The following PTPRD variants were observed in gnomAD, a reference collection of about 807,000 sequenced individuals.
PTPRD encodes protein tyrosine phosphatase receptor type D.
Under a neutral mutation model 214.5 loss-of-function variants are expected in PTPRD, and 34 were observed. The ratio of observed to expected loss-of-function variants is 0.16; its 90% confidence interval spans 0.12 to 0.21. The LOEUF is 0.21. PTPRD is among the 10% of genes least tolerant of loss of function. The probability of loss-of-function intolerance (pLI) is 1.00; values close to 1 mark genes in which losing one functional copy is unlikely to be tolerated. For synonymous variants in PTPRD, 1,128 were observed against 845.7 expected (o/e 1.33, Z -5.79); for missense variants, 2,545 against 2,398.7 (o/e 1.06, Z -1.27).
chr9:9,250,572 T>C (rs1175348859), intron 9 of PTPRD, among the ~76,000 whole-genome samples: 1 of 152,058 alleles, frequency 6.6e-6, no homozygotes, highest in Non-Finnish European at 1.5e-5. Flanking sequence ...GTAAAGGTGA[T>C]TTTCATGTTT....
intron 14 of PTPRD, among the ~76,000 whole-genome samples, chr9:8,625,209 A>G (rs1214341241): frequency 6.6e-6 from 1 of 151,886 alleles, no homozygotes; most frequent in Non-Finnish European, 1.5e-5. Flanking sequence ...ATATATATAT[A>G]TACTACATGT....
chr9:9,701,675 T>C (rs1197642981), intron 7 of PTPRD, among the ~76,000 whole-genome samples: 1 of 152,180 alleles, frequency 6.6e-6, no homozygotes. Context: ...ATTCATTAGA[T>C]GTGAAATAGA....
Position 8,521,295 on chromosome 9 carries a change from C to T in PTPRD, c.943G>A (p.Ala315Thr), listed in dbSNP as rs2097886841. Residue 315 changes from alanine (A) to threonine (T), a missense_variant, in exon 20 of 46, where the codon GCA (alanine) becomes ACA (threonine). Ala to Thr is a moderately conservative substitution (Grantham distance 58, BLOSUM62 0). Transcript: ENST00000381196. ...MSTLGVIEAI[A>T]QITVKALPKP... ...AGCATACCTTTGACAGTGATCTGTG[C>T]TATTGCTTCAATGACACCCAGTGTT... 4 of 1,613,258 alleles carry T rather than the reference C, an allele frequency of 2.5e-6. No individual in the cohort carries two copies. Among genetic ancestry groups the T allele is most frequent in the Admixed American group, 1.7e-5 (1 of 59,966 alleles).
Position 10,380,098 on chromosome 9 carries a change from T to C in PTPRD, c.-599-39081A>G, listed in dbSNP as rs117221158. On this transcript the variant is annotated intron_variant, in intron 2 of 45. Transcript: ENST00000381196. ...CCTCAGTCATCAGAGTGGCTGAGAA[T>C]ACAGGCAGGAGCCACTCAACAATTT... Among the ~76,000 whole-genome samples the C allele has an allele frequency of 7.8e-3, 1,183 of 152,206 alleles. 13 individuals are homozygous for C. The highest frequency in any genetic ancestry group is 0.012 in the Non-Finnish European group (821 of 67,980).
At position 8,416,550 on chromosome 9, in the gene PTPRD, G is replaced by A. The variant is rs546397866; in HGVS notation, c.4087-11890C>T. ...CAGAGGCAGAAGGAGCAGACTGTAGGACTCAACACTCTGGAGGGGATTTTG... is the reference window on the plus strand; with the variant it reads ...CAGAGGCAGAAGGAGCAGACTGTAGAACTCAACACTCTGGAGGGGATTTTG... On this transcript the variant is annotated intron_variant, in intron 35 of 45. Transcript: ENST00000381196. 7.2e-5 allele frequency among the ~76,000 whole-genome samples: 11 copies of A among 152,246 alleles called. No homozygotes were observed. In the South Asian group the frequency reaches 2.3e-3, roughly 32 times the overall value.
chr9:9,719,649 C>A (rs1455809163), intron 7 of PTPRD, among the ~76,000 whole-genome samples: 1 of 152,206 alleles, frequency 6.6e-6, no homozygotes, highest in Non-Finnish European at 1.5e-5. Context: ...CAACATCCCC[C>A]TCACAGCTCG....
intron 3 of PTPRD, among the ~76,000 whole-genome samples, chr9:10,203,200 G>C (rs2099440367): frequency 6.9e-6 from 1 of 144,944 alleles, no homozygotes; most frequent in Non-Finnish European, 1.5e-5. Flanking sequence ...TGTGAATTGT[G>C]AGTTTCTGGA....
At chr9:9,295,836 A>T (rs1952814097) in intron 9 of PTPRD, among the ~76,000 whole-genome samples, 1 of 151,838 alleles carries the variant, frequency 6.6e-6, no homozygotes, top group Non-Finnish European at 1.5e-5. Flanking sequence ...TCGAAGCATA[A>T]TTCAGAGGCA....
At chr9:9,951,279 G>A (rs1025842507) in intron 4 of PTPRD, among the ~76,000 whole-genome samples, 2 of 152,130 alleles carry the variant, frequency 1.3e-5, no homozygotes, top group African/African-American at 4.8e-5. Flanking sequence ...AAAAGCCTAA[G>A]GGCCTCAATG....
intron 11 of PTPRD, among the ~76,000 whole-genome samples, chr9:8,765,881 C>T (rs1003654409): frequency 6.6e-6 from 1 of 152,154 alleles, no homozygotes; most frequent in African/African-American, 2.4e-5. Flanking sequence ...TCCACAGCTT[C>T]TGGGCCTCAT....
chr9:9,605,278 C>T (rs2094075419), intron 7 of PTPRD, among the ~76,000 whole-genome samples: 2 of 151,994 alleles, frequency 1.3e-5, no homozygotes, highest in African/African-American at 4.8e-5. Context: ...AAGCACTCTG[C>T]TATGATTGAA....
chr9:10,182,936 C>T (rs902571286), intron 3 of PTPRD, among the ~76,000 whole-genome samples: 3 of 152,110 alleles, frequency 2.0e-5, no homozygotes, highest in East Asian at 1.9e-4. Context: ...GGCTCTCAAC[C>T]AAATTACTTG....
intron 44 of PTPRD, among the ~76,000 whole-genome samples, chr9:8,330,428 G>C (rs909604147): frequency 2.0e-5 from 3 of 152,144 alleles, no homozygotes; most frequent in African/African-American, 7.2e-5. Flanking sequence ...AAACCAAAAA[G>C]TATGTGTGAC....
intron 7 of PTPRD, among the ~76,000 whole-genome samples, chr9:9,654,209 C>T (rs1035932503): frequency 6.6e-6 from 1 of 151,976 alleles, no homozygotes; most frequent in South Asian, 2.1e-4. Context: ...TTTTTAATAA[C>T]CTTATTGTCT....
At chr9:9,577,556 T>G (rs1449719265) in intron 7 of PTPRD, among the ~76,000 whole-genome samples, 1 of 151,864 alleles carries the variant, frequency 6.6e-6, no homozygotes, top group Non-Finnish European at 1.5e-5. Context: ...AAGTAAGACC[T>G]TGTCTCAAAA....
Position 9,873,467 on chromosome 9 carries a change from CT to C in PTPRD, c.-368+65039del, listed in dbSNP as rs953050032. On this transcript the variant is annotated intron_variant, in intron 5 of 45. Transcript: ENST00000381196. ...CTAACTAAAACCTGGATCTTACTTACTTTTTTTTTTCTATAAGGGCAGTTAA... is the reference window on the plus strand; with the variant it reads ...CTAACTAAAACCTGGATCTTACTTACTTTTTTTTTCTATAAGGGCAGTTAA... Among the ~76,000 whole-genome samples the C allele has an allele frequency of 8.0e-4, 120 of 149,526 alleles. 2 individuals are homozygous for C. Among genetic ancestry groups the C allele is most frequent in the Admixed American group, 5.2e-3 (78 of 14,958 alleles).
intron 11 of PTPRD, among the ~76,000 whole-genome samples, chr9:8,759,938 T>C (rs1160184063): frequency 6.6e-6 from 1 of 152,192 alleles, no homozygotes. Flanking sequence ...ATCCAGACAC[T>C]GTTTGTTGAA....
At chr9:8,830,165 T>C (rs1385832138) in intron 11 of PTPRD, among the ~76,000 whole-genome samples, 1 of 152,120 alleles carries the variant, frequency 6.6e-6, no homozygotes, top group Admixed American at 6.6e-5. Flanking sequence ...GATGAGAAAA[T>C]GAGGCAAAGC....
At chr9:8,585,649 T>C (rs1490802209) in intron 14 of PTPRD, among the ~76,000 whole-genome samples, 2 of 152,266 alleles carry the variant, frequency 1.3e-5, no homozygotes. Context: ...TAGTATCCTT[T>C]ACTTGCTCAG....
Sources: allele counts gnomAD v4.1 joint callset (sites outside exome capture counted in the v4.1 genomes callset), GRCh38; gene constraint gnomAD v4.1.1; transcripts MANE v1.5; gene names NCBI Gene and HGNC (gene_info 2026-07-23, HGNC 2026-07-21).